The following REV1 variants were observed in gnomAD, a reference collection of about 807,000 sequenced individuals.
REV1 encodes the protein translesion synthesis protein REV1.
In REV1, 42 loss-of-function variants were observed where a neutral mutation model predicts 137.4. The observed-to-expected ratio is 0.31, with a 90% CI of 0.24 to 0.40. The LOEUF is 0.40. Ranked by LOEUF, REV1 falls within the 10% of genes least tolerant of loss-of-function variation. The pLI, the probability that REV1 is intolerant of heterozygous loss-of-function variation, is 1.00. For synonymous variants in REV1, 524 were observed against 519.2 expected (o/e 1.01, Z -0.12); for missense variants, 1,282 against 1,490.1 (o/e 0.86, Z 2.30).
At chr2:99,407,080 C>CTTTCTTTTTTTTTTTTT (rs1676415061) in intron 15 of REV1, among the ~76,000 whole-genome samples, 1 of 60,026 alleles carries the variant, frequency 1.7e-5, no homozygotes, top group Admixed American at 3.2e-4. Flanking sequence ...TACAAAGGTT[C>CTTTCTTTTTTTTTTTTT]TTTTTTTTTT....
At chr2:99,430,849 T>C (rs1429653635) in intron 8 of REV1, among the ~76,000 whole-genome samples, 2 of 151,522 alleles carry the variant, frequency 1.3e-5, no homozygotes, top group Non-Finnish European at 2.9e-5. Context: ...CCAGGAAGAG[T>C]ATGCTGTAAA....
intron 1 of REV1, among the ~76,000 whole-genome samples, chr2:99,473,549 T>C (rs1685649027): frequency 6.6e-6 from 1 of 152,192 alleles, no homozygotes; most frequent in African/African-American, 2.4e-5. Context: ...CTTTCATGTA[T>C]TTAAGATATC....
At position 99,487,333 on chromosome 2, in the gene REV1, T is replaced by G. The variant is rs1329230641; in HGVS notation, c.-11+2484A>C. Among the ~76,000 whole-genome samples, 2 of 55,766 alleles carry G rather than the reference T, an allele frequency of 3.6e-5. 1 individual carries two copies. The highest frequency in any genetic ancestry group is 7.9e-5 in the Non-Finnish European group (2 of 25,180). The allele number at this position is 55,766 out of a possible 152,430, so 36.6% of individuals were successfully genotyped here. On this transcript the variant is annotated intron_variant, in intron 1 of 22. Transcript: ENST00000258428. ...AGGACACTAAGCAAGAAAGTGACAA[T>G]CTGATTTACATTTTTAAAAAGATCC...
Position 99,464,761 on chromosome 2 carries a change from G to A in REV1, c.54+161C>T, listed in dbSNP as rs564185825. ...CTGAGAGTAAAGTTTAGGGGATAAA[G>A]TTTATAAACATCATAAGGCTTTCAA... is the stretch of plus-strand genomic sequence containing the variant. On this transcript the variant is annotated intron_variant, in intron 2 of 22. Transcript: ENST00000258428. Among the ~76,000 whole-genome samples the A allele has an allele frequency of 2.6e-5, 4 of 152,270 alleles. No homozygotes were observed. In the South Asian group the frequency reaches 6.2e-4, roughly 24 times the overall value.
Position 99,406,705 on chromosome 2 carries a change from G to A in REV1, c.2449-215C>T. On this transcript the variant is annotated intron_variant, in intron 15 of 22. Transcript: ENST00000258428. Reference sequence around the variant, plus strand: ...GTGGTCATTCATCTCAAACTTCAGAGTATCCAATTCTCCCAAAATATACCA... The same window carrying A: ...GTGGTCATTCATCTCAAACTTCAGAATATCCAATTCTCCCAAAATATACCA... 3 of 369,970 alleles carry A rather than the reference G, an allele frequency of 8.1e-6. No individual in the cohort carries two copies. In the South Asian group the frequency reaches 3.5e-4, roughly 43 times the overall value. The allele number at this position is 369,970 out of a possible 1,614,324, so 22.9% of individuals were successfully genotyped here.
At chr2:99,415,554 C>A (rs1290355230) in intron 12 of REV1, among the ~76,000 whole-genome samples, 1 of 152,238 alleles carries the variant, frequency 6.6e-6, no homozygotes, top group African/African-American at 2.4e-5. Flanking sequence ...TGGAAATGTT[C>A]TCGTCTGCTA....
At chr2:99,482,064 C>T (rs1296156943) in intron 1 of REV1, among the ~76,000 whole-genome samples, 2 of 152,180 alleles carry the variant, frequency 1.3e-5, no homozygotes, top group African/African-American at 4.8e-5. Flanking sequence ...GAAATGCCAA[C>T]CATGTGAATA....
chr2:99,456,002 C>A (rs574816554), intron 3 of REV1, among the ~76,000 whole-genome samples: 4 of 152,238 alleles, frequency 2.6e-5, no homozygotes, highest in African/African-American at 7.2e-5. Context: ...TCCATATGAA[C>A]TGTCCCAATC....
At position 99,420,857 on chromosome 2, in the gene REV1, G is replaced by A. The variant is rs28382927; in HGVS notation, c.1831+642C>T. 8.7e-4 allele frequency among the ~76,000 whole-genome samples: 132 copies of A among 152,288 alleles called. No homozygotes were observed. In the East Asian group the frequency reaches 8.7e-3, roughly 10 times the overall value. The stretch of plus-strand genomic sequence containing the variant: ...GACAAACTGGCTCTAGTAACAGAAT[G>A]GCAAGAAAAGGGGTATCTTGCCAGA... On this transcript the variant is annotated intron_variant, in intron 11 of 22. Coordinates refer to ENST00000258428, the MANE Select transcript of REV1 (RefSeq NM_016316.4).
rs1346128630 is a variant in REV1, at chr2:99,412,665, G to A, written c.2172+66C>T. Reference sequence around the variant, plus strand: ...GCATTGAGGGTCTAATGGTTTAGTTGTAGAGGTAGGACTATGTAAAAATAT... The same window carrying A: ...GCATTGAGGGTCTAATGGTTTAGTTATAGAGGTAGGACTATGTAAAAATAT... On this transcript the variant is annotated intron_variant, in intron 13 of 22. Transcript: ENST00000258428. 9 of 1,169,978 alleles carry A rather than the reference G, an allele frequency of 7.7e-6. No homozygotes were observed. In the African/African-American group the frequency reaches 1.2e-4, roughly 16 times the overall value. 72.5% of individuals were successfully genotyped at this position (1,169,978 alleles called of 1,614,324 possible). A position where few individuals can be genotyped will look rare whatever the true frequency, so the allele number is the denominator to read the frequency against.
chr2:99,456,915 T>C (rs866664754), intron 3 of REV1, among the ~76,000 whole-genome samples: 1 of 152,194 alleles, frequency 6.6e-6, no homozygotes. Context: ...AATATCAGGG[T>C]AATCTTGTTG....
chr2:99,456,608 C>A (rs1000874890), intron 3 of REV1, among the ~76,000 whole-genome samples: 1 of 152,204 alleles, frequency 6.6e-6, no homozygotes, highest in African/African-American at 2.4e-5. Context: ...ATACATAAAA[C>A]AGGCTTCCTA....
chr2:99,419,640 G>A (rs748993833), intron 11 of REV1, among the ~76,000 whole-genome samples: 20 of 152,134 alleles, frequency 1.3e-4, no homozygotes, highest in Non-Finnish European at 2.2e-4. Context: ...CTGGACTGGG[G>A]AAACCAGAAA....
At chr2:99,485,654 A>T (rs1687055711) in intron 1 of REV1, among the ~76,000 whole-genome samples, 1 of 152,344 alleles carries the variant, frequency 6.6e-6, no homozygotes, top group East Asian at 1.9e-4. Flanking sequence ...AGCATCTTCT[A>T]CAGATTGAAA....
chr2:99,471,798 C>CA (rs796215963), intron 1 of REV1, among the ~76,000 whole-genome samples: 9 of 141,128 alleles, frequency 6.4e-5, no homozygotes, highest in African/African-American at 1.8e-4. Context: ...AATAAGCACA[C>CA]AAAAAAACGT....
intron 1 of REV1, among the ~76,000 whole-genome samples, chr2:99,466,140 A>T (rs2105163619): frequency 6.6e-6 from 1 of 151,808 alleles, no homozygotes; most frequent in East Asian, 1.9e-4. Flanking sequence ...TTTAGTAGAG[A>T]CGGCGTTTCA....
At chr2:99,486,677 C>A (rs1687176015) in intron 1 of REV1, among the ~76,000 whole-genome samples, 1 of 152,212 alleles carries the variant, frequency 6.6e-6, no homozygotes, top group Non-Finnish European at 1.5e-5. Context: ...TGCCCACAGT[C>A]TCAATCAGTA....
Position 99,405,934 on chromosome 2 carries a change from A to G in REV1, c.2787T>C (p.Ser929=). Residue 929 remains serine (S), a synonymous_variant, in exon 17 of 23, where the codon AGT becomes AGC. Transcript: ENST00000258428. ...PVSVQSRLNL[S]IEVPSPSQLD... ...CCTGGGAAGGTGACGGGACCTCTAT[A>G]CTCAGGTTAAGTCTCGACTGCACAC... 6.3e-7 allele frequency: 1 copy of G among 1,595,668 alleles called. No homozygotes were observed.
rs751305393 is a variant in REV1 at position 99,402,285 on chromosome 2, T to C, written c.3603A>G (p.Lys1201=). 3 of 1,502,654 alleles carry C rather than the reference T, an allele frequency of 2.0e-6. No homozygotes were observed. The highest frequency in any genetic ancestry group is 2.7e-6 in the Non-Finnish European group (3 of 1,094,196). 93.1% of individuals were successfully genotyped at this position (1,502,654 alleles called of 1,614,324 possible). A position where few individuals can be genotyped will look rare whatever the true frequency, so the allele number is the denominator to read the frequency against. Residue 1201 remains lysine, a synonymous_variant, in exon 22 of 23, where the codon AAA becomes AAG. Coordinates refer to ENST00000258428, the MANE Select transcript of REV1 (RefSeq NM_016316.4). ...TAACTAGATCCAGTTTTTCCAAATC[T>C]TTTTCTTCTATTAGATCAGTACAGT... ...VKYCTDLIEE[K]DLEKLDLVIK... is the part of the protein sequence containing the mutation.
Sources: gnomAD v4.1 joint callset for allele counts (sites outside exome capture counted in the v4.1 genomes callset) on GRCh38, gnomAD v4.1.1 for gene constraint, MANE v1.5 for transcripts, NCBI Gene and HGNC (gene_info 2026-07-23, HGNC 2026-07-21) for gene names.